The following REV3L variants were observed in gnomAD, a reference collection of about 807,000 sequenced individuals.
REV3L encodes REV3 like, DNA directed polymerase zeta catalytic subunit.
A neutral mutation model predicts 299.4 loss-of-function variants in REV3L; 69 were observed. The observed-to-expected ratio is 0.23, with a 90% CI of 0.19 to 0.28. The LOEUF (loss-of-function observed/expected upper bound fraction) is 0.28, where lower values mean the gene tolerates loss of function less well. Among genes scored for constraint, REV3L ranks in the 10% least tolerant of loss-of-function variants. The probability of loss-of-function intolerance (pLI) is 1.00; values close to 1 mark genes in which losing one functional copy is unlikely to be tolerated. For synonymous variants in REV3L, 1,238 were observed against 1,271.4 expected (o/e 0.97, Z 0.56); for missense variants, 3,128 against 3,693.8 (o/e 0.85, Z 3.97).
chr6:111,408,555 C>T (rs961155181), intron 3 of REV3L, among the ~76,000 whole-genome samples: 8 of 151,958 alleles, frequency 5.3e-5, no homozygotes. Flanking sequence ...AGTGAGCCGA[C>T]ATGGTGCCAC....
chr6:111,482,938 A>AGCAGCAGCGGCGGCGGCTCCCTCC lies in REV3L; in HGVS notation c.-74_-51dup. 6.8e-7 allele frequency: 1 copy of AGCAGCAGCGGCGGCGGCTCCCTCC among 1,475,042 alleles called. No individual in the cohort carries two copies. Among genetic ancestry groups the AGCAGCAGCGGCGGCGGCTCCCTCC allele is most frequent in the Non-Finnish European group, 8.9e-7 (1 of 1,122,544 alleles). The allele number at this position is 1,475,042 out of a possible 1,614,324, so 91.4% of individuals were successfully genotyped here. A position where few individuals can be genotyped will look rare whatever the true frequency, so the allele number is the denominator to read the frequency against. ...CCTTCACTGGCGACCCGGCAGCGGC[A>AGCAGCAGCGGCGGCGGCTCCCTCC]GCAGCAGCGGCGGCGGCTCCCTCCG... On this transcript the variant is annotated 5_prime_UTR_variant, in exon 1 of 32. Transcript: ENST00000368802.
intron 1 of REV3L, among the ~76,000 whole-genome samples, chr6:111,439,560 T>C (rs536942226): frequency 6.6e-6 from 1 of 152,310 alleles, no homozygotes; most frequent in South Asian, 2.1e-4. Flanking sequence ...GCTACATAAG[T>C]GGGTGCCTCA....
chr6:111,315,040 G>T, intron 27 of REV3L, among the ~76,000 whole-genome samples: 1 of 151,732 alleles, frequency 6.6e-6, no homozygotes, highest in African/African-American at 2.4e-5. Context: ...TGTAGAGATG[G>T]GGTCTGGCTA....
At chr6:111,380,984 A>G (rs1780775441) in intron 10 of REV3L, among the ~76,000 whole-genome samples, 1 of 152,240 alleles carries the variant, frequency 6.6e-6, no homozygotes, top group African/African-American at 2.4e-5. Context: ...GAAATTTGTG[A>G]TACTCACCAA....
At chr6:111,411,397 A>AT in intron 3 of REV3L, 83 bp downstream of exon 3, 1 of 845,244 alleles carries the variant, frequency 1.2e-6, no homozygotes. Flanking sequence ...TACAAACTAT[A>AT]GAGGCCTTCT....
intron 21 of REV3L, among the ~76,000 whole-genome samples, chr6:111,339,518 C>G (rs933848527): frequency 1.3e-5 from 2 of 152,102 alleles, no homozygotes; most frequent in African/African-American, 4.8e-5. Flanking sequence ...ATTCATTTCA[C>G]ACTAAATGTA....
chr6:111,308,529 A>G (rs757477179), intron 30 of REV3L, among the ~76,000 whole-genome samples: 27 of 152,248 alleles, frequency 1.8e-4, no homozygotes, highest in Non-Finnish European at 3.1e-4. Flanking sequence ...TACAGAAGGC[A>G]TATCATTTTC....
intron 27 of REV3L, 92 bp from the exon 28 acceptor site, chr6:111,313,581 T>C (rs866720377): frequency 1.6e-6 from 2 of 1,277,344 alleles, no homozygotes; most frequent in Admixed American, 2.5e-5. Context: ...TTTAATCAAG[T>C]ATCAATTATT....
intron 1 of REV3L, among the ~76,000 whole-genome samples, chr6:111,463,080 T>C (rs560555615): frequency 3.3e-5 from 5 of 152,322 alleles, no homozygotes; most frequent in African/African-American, 9.6e-5. Flanking sequence ...TCCAGTCTCA[T>C]AGGCATAGCT....
intron 1 of REV3L, among the ~76,000 whole-genome samples, chr6:111,456,558 C>T (rs1312401700): frequency 6.6e-6 from 1 of 152,144 alleles, no homozygotes; most frequent in African/African-American, 2.4e-5. Flanking sequence ...TCAAACAAAA[C>T]ACTTTCCTCT....
Position 111,392,991 on chromosome 6 carries a change from A to C in REV3L, c.566-19T>G. 6.6e-7 allele frequency: 1 copy of C among 1,515,410 alleles called. No individual in the cohort carries two copies. Among genetic ancestry groups the C allele is most frequent in the Non-Finnish European group, 9.1e-7 (1 of 1,095,378 alleles). The allele number at this position is 1,515,410 out of a possible 1,614,324, so 93.9% of individuals were successfully genotyped here. ...GTATTACCTAGGAATAGAAAGGTAA[A>C]AGGAATAAATTCTACTTTCAATTTT... On this transcript the variant is annotated intron_variant, in intron 4 of 31. Transcript: ENST00000368802.
chr6:111,460,483 A>G (rs1790633087), intron 1 of REV3L: 1 of 152,114 alleles, frequency 6.6e-6, no homozygotes, highest in South Asian at 2.1e-4. Context: ...AACAAACAGT[A>G]GAGTGACATC....
At chr6:111,325,211 A>G (rs915085494) in intron 25 of REV3L, among the ~76,000 whole-genome samples, 2 of 152,246 alleles carry the variant, frequency 1.3e-5, no homozygotes, top group Non-Finnish European at 2.9e-5. Context: ...AATTCCCTGA[A>G]AAGACATAAA....
At position 111,357,153 on chromosome 6, in the gene REV3L, A is replaced by C. The variant is rs778061049; in HGVS notation, c.7073-28T>G. The stretch of plus-strand genomic sequence containing the variant: ...AAAAAACAAACAAAATGTCTATTAT[A>C]TATAACATTATATAATAATATACCT... On this transcript the variant is annotated intron_variant, in intron 17 of 31. Transcript: ENST00000368802. 23 of 826,894 alleles carry C rather than the reference A, an allele frequency of 2.8e-5. No homozygotes were observed. The African/African-American group carries it at 4.1e-4, about 15-fold the overall frequency. The allele number at this position is 826,894 out of a possible 1,614,324, so 51.2% of individuals were successfully genotyped here.
intron 1 of REV3L, among the ~76,000 whole-genome samples, chr6:111,422,595 C>T (rs13207447): frequency 0.016 from 288 of 18,470 alleles, 20 homozygotes; most frequent in Middle Eastern, 0.05. Flanking sequence ...TATATATATA[C>T]ACATATATAT....
At chr6:111,379,862 T>C in intron 11 of REV3L, 120 bp downstream of exon 11, 1 of 711,844 alleles carries the variant, frequency 1.4e-6, no homozygotes, top group Non-Finnish European at 2.4e-6. Context: ...AGGGGAATTT[T>C]AAAACATCAA....
intron 31 of REV3L, among the ~76,000 whole-genome samples, chr6:111,306,833 C>T (rs997783867): frequency 6.6e-6 from 1 of 152,164 alleles, no homozygotes; most frequent in Non-Finnish European, 1.5e-5. Flanking sequence ...GAGACTTTTC[C>T]TTTCTTCTTT....
At chr6:111,323,495 T>C (rs1774429675) in intron 25 of REV3L, among the ~76,000 whole-genome samples, 1 of 152,216 alleles carries the variant, frequency 6.6e-6, no homozygotes. Context: ...ATGGGAAATA[T>C]ATTAAAACTG....
At chr6:111,307,978 C>G (rs1400043852) in intron 30 of REV3L, 1 of 308,574 alleles carries the variant, frequency 3.2e-6, no homozygotes, top group Admixed American at 4.8e-5. Flanking sequence ...ATGTTCCCCG[C>G]CCTGTGTCCA....
Sources: allele counts gnomAD v4.1 joint callset (sites outside exome capture counted in the v4.1 genomes callset), GRCh38; gene constraint gnomAD v4.1.1; transcripts MANE v1.5; gene names NCBI Gene and HGNC (gene_info 2026-07-23, HGNC 2026-07-21).